LRRC41: variants seen among roughly 807,000 people sequenced by gnomAD.
LRRC41 encodes the protein leucine rich repeat containing 41.
LRRC41 carries 17 observed loss-of-function variants against 72.1 expected under a neutral mutation model. The ratio of observed to expected loss-of-function variants is 0.24; its 90% CI spans 0.16 to 0.35. The LOEUF (loss-of-function observed/expected upper bound fraction) is 0.35, where lower values mean the gene tolerates loss of function less well. Ranked by LOEUF, LRRC41 falls within the 10% of genes least tolerant of loss-of-function variation. The pLI is 1.00. For synonymous variants in LRRC41, 427 were observed against 431.0 expected, an observed-to-expected ratio of 0.99 and a Z score of 0.11; for missense variants, 759 against 1,065.0, an observed-to-expected ratio of 0.71 and a Z score of 4.00.
chr1:46,296,567 T>C (rs1661131297), intron 3 of LRRC41, among the ~76,000 whole-genome samples: 1 of 152,182 alleles, frequency 6.6e-6, no homozygotes, highest in Non-Finnish European at 1.5e-5. Flanking sequence ...CATCACCTAG[T>C]TATGGGGCAG....
At position 46,279,153 on chromosome 1, in the gene LRRC41, T is replaced by A. The variant is rs1660712406; in HGVS notation, c.2219+29A>T. On this transcript the variant is annotated intron_variant, in intron 9 of 9. Transcript: ENST00000617190. This position sits in a 1 kb window ranked among gnomAD's most constrained non-coding sequence, Gnocchi z 4.5. Reference sequence around the variant, plus strand: ...CCTGGTCTATATCTCTGTAGCCCCATCCCTTGTCTTGCCCCTCCCCTCATG... The same window carrying A: ...CCTGGTCTATATCTCTGTAGCCCCAACCCTTGTCTTGCCCCTCCCCTCATG... 1.2e-6 allele frequency: 2 copies of A among 1,613,228 alleles called. No homozygotes were observed. Among genetic ancestry groups the A allele is most frequent in the Non-Finnish European group, 1.7e-6 (2 of 1,179,248 alleles).
intron 3 of LRRC41, among the ~76,000 whole-genome samples, chr1:46,294,664 G>C (rs1215851100): frequency 1.6e-5 from 2 of 128,034 alleles, no homozygotes; most frequent in African/African-American, 5.9e-5. Context: ...ATGTGATCTT[G>C]GCTCACTGCA....
chr1:46,303,356 C>G lies in LRRC41; in HGVS notation c.-34G>C, dbSNP rs1377009276. The G allele has an allele frequency of 2.0e-6, 3 of 1,469,150 alleles. No individual in the cohort carries two copies. Among genetic ancestry groups the G allele is most frequent in the Non-Finnish European group, 2.7e-6 (3 of 1,112,182 alleles). 91.0% of individuals were successfully genotyped at this position (1,469,150 alleles called of 1,614,324 possible). A position where few individuals can be genotyped will look rare whatever the true frequency, so the allele number is the denominator to read the frequency against. On this transcript the variant is annotated 5_prime_UTR_variant, in exon 1 of 10. Transcript: ENST00000617190. ...GGTGCGCGAGCCCGAGAGTGTCGCC[C>G]GCGGACCGCCATCTTGAAAAGGTCA...
In LRRC41 at chr1:46,303,295, G is replaced by C. The variant is rs577864275; in HGVS notation, c.28C>G (p.Arg10Gly). The C allele has an allele frequency of 1.5e-5, 23 of 1,538,036 alleles. No individual in the cohort carries two copies. The South Asian group carries it at 2.0e-4, about 14-fold the overall frequency. ...GCTACCTCACAGAACCAGCAACTCC[G>C]GGCGCGCCAGGCCTCGGGCGCCGCC... MAAPEAWRA[R>G]SCWFCEVAAA... Residue 10 changes from arginine (R) to glycine (G), a missense_variant, in exon 1 of 10, where the codon CGG (arginine) becomes GGG (glycine). Arg to Gly is a moderately radical substitution (Grantham distance 125, BLOSUM62 -2). Coordinates refer to ENST00000617190, the MANE Select transcript of LRRC41 (RefSeq NM_006369.5).
chr1:46,289,332 A>T (rs371433340), intron 3 of LRRC41, among the ~76,000 whole-genome samples: 1 of 152,242 alleles, frequency 6.6e-6, no homozygotes, highest in East Asian at 1.9e-4. Flanking sequence ...ATAAAGTGGA[A>T]GATCACTATA....
chr1:46,303,289 A>T lies in LRRC41; in HGVS notation c.34T>A (p.Cys12Ser), dbSNP rs1193894117. Residue 12 changes from cysteine (C) to serine (S), a missense_variant, in exon 1 of 10, where the codon TGC (cysteine) becomes AGC (serine). Cys to Ser is a moderately radical substitution (Grantham distance 112, BLOSUM62 -1). Around this residue, in one of 4 missense-constraint regions of LRRC41, gnomAD observed 106 missense variants for 66.1 expected, o/e 1.60. Transcript: ENST00000617190. ...AAPEAWRARS[C>S]WFCEVAAATT... ...GCCGCCGCTACCTCACAGAACCAGC[A>T]ACTCCGGGCGCGCCAGGCCTCGGGC... 5 of 1,540,662 alleles carry T rather than the reference A, an allele frequency of 3.2e-6. No individual in the cohort carries two copies. Among genetic ancestry groups the T allele is most frequent in the Non-Finnish European group, 8.7e-7 (1 of 1,144,076 alleles).
chr1:46,281,147 T>G lies in LRRC41; in HGVS notation c.1734A>C (p.Ile578=), dbSNP rs978217271. Residue 578 remains isoleucine, a synonymous_variant, in exon 5 of 10, where the codon ATA becomes ATC. Coordinates refer to ENST00000617190, the MANE Select transcript of LRRC41 (RefSeq NM_006369.5). The stretch of plus-strand genomic sequence containing the variant: ...CACCTGGTATCTCCTCATCGCCTAT[T>G]ATGTGGCTAGGGGGCCCTGCATTCC... ...VPGNAGPPSH[I]IGDEEIPENC... 2.5e-6 allele frequency: 4 copies of G among 1,613,980 alleles called. No individual in the cohort carries two copies. Among genetic ancestry groups the G allele is most frequent in the Non-Finnish European group, 3.4e-6 (4 of 1,179,906 alleles).
In LRRC41 at chr1:46,279,646, G is replaced by A. The variant is rs1203802304; in HGVS notation, c.2021-32C>T. On this transcript the variant is annotated intron_variant, in intron 7 of 9. Transcript: ENST00000617190. The surrounding 1 kb of genome is among the most constrained non-coding windows in gnomAD (Gnocchi z 4.5). ...AGAAAAATTATAGTAAATTCTGATG[G>A]CTGCATTAGGACTGGTGCTGCCCCT... The A allele has an allele frequency of 1.2e-6, 2 of 1,613,734 alleles. No homozygotes were observed. Among genetic ancestry groups the A allele is most frequent in the Non-Finnish European group, 1.7e-6 (2 of 1,179,868 alleles).
intron 3 of LRRC41, 128 bp downstream of exon 3, chr1:46,297,435 G>A (rs1661147102): frequency 2.9e-6 from 2 of 686,608 alleles, no homozygotes; most frequent in African/African-American, 1.8e-5. Context: ...CAAGCCATCA[G>A]AGCCCTCCTC....
intron 3 of LRRC41, among the ~76,000 whole-genome samples, chr1:46,294,592 CTTTTTT>C (rs60249294): frequency 1.0e-4 from 11 of 108,312 alleles, no homozygotes; most frequent in Non-Finnish European, 1.8e-4. Context: ...ACAACTAATT[CTTTTTT>C]TTTTTTTTTT....
rs919487102 is a variant in LRRC41 at position 46,285,130 on chromosome 1, C to T, written c.1495+232G>A. Reference sequence around the variant, plus strand: ...TATTCATTCTTCAGATTCCAGCTGGCTTGTCTCACTGCCCCTCAGGAACCC... The same window carrying T: ...TATTCATTCTTCAGATTCCAGCTGGTTTGTCTCACTGCCCCTCAGGAACCC... On this transcript the variant is annotated intron_variant, in intron 4 of 9. Transcript: ENST00000617190. This position sits in a 1 kb window ranked among gnomAD's most constrained non-coding sequence, Gnocchi z 5.3. 5.2e-6 allele frequency: 3 copies of T among 572,642 alleles called. No homozygotes were observed. Among genetic ancestry groups the T allele is most frequent in the Non-Finnish European group, 9.5e-6 (3 of 317,366 alleles). 35.5% of individuals were successfully genotyped at this position (572,642 alleles called of 1,614,324 possible). A position where few individuals can be genotyped will look rare whatever the true frequency, so the allele number is the denominator to read the frequency against.
At chr1:46,281,103 A>T in intron 5 of LRRC41, 22 bp downstream of exon 5, 1 of 1,612,518 alleles carries the variant, frequency 6.2e-7, no homozygotes, top group East Asian at 2.2e-5. Flanking sequence ...GCACACACAC[A>T]AACACACACA....
intron 4 of LRRC41, among the ~76,000 whole-genome samples, chr1:46,282,035 C>T (rs1327539793): frequency 5.3e-5 from 8 of 151,178 alleles, no homozygotes; most frequent in Non-Finnish European, 1.0e-4. Flanking sequence ...GCTGAGATCA[C>T]GCCACTGCAC....
At chr1:46,283,931 TG>T (rs1202334578) in intron 4 of LRRC41, among the ~76,000 whole-genome samples, 4 of 152,116 alleles carry the variant, frequency 2.6e-5, no homozygotes, top group Non-Finnish European at 5.9e-5. Flanking sequence ...CCCAAAGTGC[TG>T]GGATTACGGG....
chr1:46,288,599 A>C (rs921878051), intron 3 of LRRC41, among the ~76,000 whole-genome samples: 3 of 152,218 alleles, frequency 2.0e-5, no homozygotes, highest in Non-Finnish European at 4.4e-5. Context: ...GCCTCCATGC[A>C]TTCCTCCATA....
At position 46,303,195 on chromosome 1, in the gene LRRC41, G is replaced by A. The variant is rs1340020697; in HGVS notation, c.128C>T (p.Pro43Leu). Residue 43 changes from proline (P) to leucine (L), a missense_variant, in exon 1 of 10, where the codon CCC becomes CTC. Pro to Leu is a moderately conservative substitution (Grantham distance 98, BLOSUM62 -3). This residue lies in a region of LRRC41 where 106 missense variants were observed against 66.1 expected (regional missense o/e 1.60). Coordinates refer to ENST00000617190, the MANE Select transcript of LRRC41 (RefSeq NM_006369.5). ...AKSSASGPNA[P>L]PALFELCGRA... ...CCCGCACAGCTCGAACAGGGCGGGGGGAGCGTTGGGGCCCGAGGCCGAGCT... is the reference window on the plus strand; with the variant it reads ...CCCGCACAGCTCGAACAGGGCGGGGAGAGCGTTGGGGCCCGAGGCCGAGCT... 2 of 1,572,670 alleles carry A rather than the reference G, an allele frequency of 1.3e-6. No homozygotes were observed.
Position 46,279,096 on chromosome 1 carries a change from A to G in LRRC41, c.2220-12T>C, listed in dbSNP as rs1308686978. ...TGATGCAGTTGGAACTGGTAGGGTG[A>G]GATGGATTAGATATCCAGGAAGCAG... On this transcript the variant is annotated splice_polypyrimidine_tract_variant and intron_variant, in intron 9 of 9. Coordinates refer to ENST00000617190, the MANE Select transcript of LRRC41 (RefSeq NM_006369.5). This position sits in a 1 kb window ranked among gnomAD's most constrained non-coding sequence, Gnocchi z 4.5. 1 of 1,609,042 alleles carries G rather than the reference A, an allele frequency of 6.2e-7. No homozygotes were observed. Among genetic ancestry groups the G allele is most frequent in the African/African-American group, 1.3e-5 (1 of 74,834 alleles).
intron 3 of LRRC41, among the ~76,000 whole-genome samples, chr1:46,287,473 T>C (rs975341662): frequency 1.3e-5 from 2 of 152,152 alleles, no homozygotes; most frequent in African/African-American, 4.8e-5. Context: ...AGCTTCCTGA[T>C]TGCTTTCCCT....
At chr1:46,294,591 T>TA (rs1661085835) in intron 3 of LRRC41, among the ~76,000 whole-genome samples, 1 of 134,072 alleles carries the variant, frequency 7.5e-6, no homozygotes, top group Non-Finnish European at 1.6e-5. Context: ...TACAACTAAT[T>TA]CTTTTTTTTT....
Sources: gnomAD v4.1 joint callset for allele counts (sites outside exome capture counted in the v4.1 genomes callset) on GRCh38, gnomAD v4.1.1 for gene constraint, gnomAD v4.1.1 regional missense constraint, Gnocchi (gnomAD v3.1) non-coding constraint, MANE v1.5 for transcripts, NCBI Gene and HGNC (gene_info 2026-07-23, HGNC 2026-07-21) for gene names.